Variants in CCDC63 observed in about 807,000 individuals in gnomAD.
CCDC63 encodes coiled-coil domain-containing protein 63.
A neutral mutation model predicts 63.6 loss-of-function variants in CCDC63; 54 were observed. That is an observed-to-expected ratio of 0.85 (90% CI 0.68 to 1.07). The LOEUF (loss-of-function observed/expected upper bound fraction) is 1.07, where lower values mean the gene tolerates loss of function less well. Ranked by LOEUF, CCDC63 falls within the 50% of genes least tolerant of loss-of-function variation. The probability of loss-of-function intolerance (pLI) is 0.00; values close to 1 mark genes in which losing one functional copy is unlikely to be tolerated. For missense variants in CCDC63, 637 were observed against 689.6 expected (o/e 0.92, Z 0.86); for synonymous variants, 253 against 266.1 (o/e 0.95, Z 0.48).
rs866122154 is a variant in CCDC63, at chr12:110,868,380, C to T, written c.370-5462C>T. Among the ~76,000 whole-genome samples the T allele has an allele frequency of 8.1e-3, 1,200 of 147,904 alleles. 23 individuals are homozygous for T. Among genetic ancestry groups the T allele is most frequent in the African/African-American group, 0.029 (1,129 of 38,942 alleles). On this transcript the variant is annotated intron_variant, in intron 4 of 11. Transcript: ENST00000308208. ...CGGCACTTTGGGAGGCCAAGGCAGG[C>T]GGCTGGGAGGTGTAGGTTGTAGCGA...
intron 4 of CCDC63, among the ~76,000 whole-genome samples, chr12:110,864,707 CA>C (rs112919673): frequency 4.6e-3 from 584 of 126,430 alleles, no homozygotes; most frequent in African/African-American, 0.01. Context: ...GACTCCATCT[CA>C]AAAAAAAAAA....
chr12:110,880,946 C>T lies in CCDC63; in HGVS notation c.672-169C>T, dbSNP rs563719085. The stretch of plus-strand genomic sequence containing the variant: ...ATTTCTGGGAGTGATCTAGAGCTTA[C>T]AGCTCCTGTTGTTCAGGTAAGGAGG... On this transcript the variant is annotated intron_variant, in intron 6 of 11. Coordinates refer to ENST00000308208, the MANE Select transcript of CCDC63 (RefSeq NM_152591.3). Among the ~76,000 whole-genome samples the T allele has an allele frequency of 1.8e-4, 27 of 149,520 alleles. No individual in the cohort carries two copies. The East Asian group carries it at 5.4e-3, about 30-fold the overall frequency.
chr12:110,897,154 C>G (rs1314156147), intron 9 of CCDC63, among the ~76,000 whole-genome samples: 1 of 151,924 alleles, frequency 6.6e-6, no homozygotes, highest in East Asian at 1.9e-4. Flanking sequence ...TGATTCGAGG[C>G]TGGGTGCAAT....
chr12:110,895,140 G>A (rs1278488238), intron 9 of CCDC63, among the ~76,000 whole-genome samples: 1 of 151,738 alleles, frequency 6.6e-6, no homozygotes, highest in African/African-American at 2.4e-5. Context: ...TTGAGACGGA[G>A]TCTCGCTCTG....
intron 9 of CCDC63, among the ~76,000 whole-genome samples, chr12:110,896,942 C>G (rs1378091128): frequency 6.6e-6 from 1 of 152,108 alleles, no homozygotes; most frequent in Non-Finnish European, 1.5e-5. Context: ...GAGGTGGGGG[C>G]CAAGAATATG....
chr12:110,890,778 T>TC (rs1158542074), intron 8 of CCDC63, among the ~76,000 whole-genome samples: 5 of 144,552 alleles, frequency 3.5e-5, no homozygotes, highest in African/African-American at 1.3e-4. Context: ...CTTTTCTTTT[T>TC]TTTTTTTTTT....
intron 8 of CCDC63, among the ~76,000 whole-genome samples, chr12:110,891,499 T>A (rs375530978): frequency 3.0e-4 from 46 of 150,930 alleles, no homozygotes; most frequent in Non-Finnish European, 5.5e-4. Flanking sequence ...GAAAAATTTT[T>A]AAAAAATTAG....
At chr12:110,876,102 T>A (rs1331873444) in intron 5 of CCDC63, among the ~76,000 whole-genome samples, 1 of 122,740 alleles carries the variant, frequency 8.1e-6, no homozygotes, top group African/African-American at 3.3e-5. Context: ...TGAGAACCTG[T>A]CTCAAAAAAA....
chr12:110,883,507 C>T (rs2071235992), intron 7 of CCDC63, among the ~76,000 whole-genome samples: 1 of 152,198 alleles, frequency 6.6e-6, no homozygotes, highest in Non-Finnish European at 1.5e-5. Context: ...ATAGTAAATG[C>T]TTCTTGAGAT....
intron 4 of CCDC63, among the ~76,000 whole-genome samples, chr12:110,873,079 C>CA (rs2071086507): frequency 1.3e-5 from 2 of 151,942 alleles, no homozygotes; most frequent in Non-Finnish European, 2.9e-5. Flanking sequence ...ACTAAAAATA[C>CA]AAAAAAATTA....
At chr12:110,878,176 GCA>G (rs140112603) in intron 5 of CCDC63, among the ~76,000 whole-genome samples, 380 of 151,804 alleles carry the variant, frequency 2.5e-3, no homozygotes, top group African/African-American at 8.8e-3. Flanking sequence ...GTATATATAT[GCA>G]CACACACACA....
chr12:110,901,383 CTATT>C (rs1271335744), intron 10 of CCDC63, among the ~76,000 whole-genome samples: 3 of 152,056 alleles, frequency 2.0e-5, no homozygotes, highest in East Asian at 1.9e-4. Context: ...ATTATTTTAT[CTATT>C]TATTTATTTT....
At position 110,889,548 on chromosome 12, in the gene CCDC63, C is replaced by T. The variant is rs756097086; in HGVS notation, c.1075-3528C>T. ...GCAACAGCACACGCAAAGGCCCTGA[C>T]GCAGCTTGCAAGCAGGCCAGGGTGT... On this transcript the variant is annotated intron_variant, in intron 8 of 11. Coordinates refer to ENST00000308208, the MANE Select transcript of CCDC63 (RefSeq NM_152591.3). This position sits in a 1 kb window ranked among gnomAD's most constrained non-coding sequence, Gnocchi z 4.1. 5.9e-5 allele frequency among the ~76,000 whole-genome samples: 9 copies of T among 152,042 alleles called. No homozygotes were observed. The highest frequency in any genetic ancestry group is 1.0e-4 in the Non-Finnish European group (7 of 68,030).
chr12:110,864,466 G>A lies in CCDC63; in HGVS notation c.369+5691G>A, dbSNP rs899149614. Among the ~76,000 whole-genome samples, 3 of 150,556 alleles carry A rather than the reference G, an allele frequency of 2.0e-5. No homozygotes were observed. In the South Asian group the frequency reaches 6.3e-4, roughly 32 times the overall value. ...AGACTGGGCGCCGTGACTCATGCCT[G>A]TAATCCCAGCACTTTGGGAGGCTGC... On this transcript the variant is annotated intron_variant, in intron 4 of 11. Coordinates refer to ENST00000308208, the MANE Select transcript of CCDC63 (RefSeq NM_152591.3).
chr12:110,858,847 T>G, intron 4 of CCDC63, 72 bp downstream of exon 4: 1 of 1,365,204 alleles, frequency 7.3e-7, no homozygotes, highest in Non-Finnish European at 1.0e-6. Context: ...ATATTCGTGA[T>G]GCCTTAGGCC....
rs141647892 is a variant in CCDC63, at chr12:110,891,439, A to G, written c.1075-1637A>G. On this transcript the variant is annotated intron_variant, in intron 8 of 11. Coordinates refer to ENST00000308208, the MANE Select transcript of CCDC63 (RefSeq NM_152591.3). ...GCTGAGGCAGGAAGATTACTTGAGC[A>G]CTGGAGTTCAAGACCAGCCTGGGCA... 1.5e-3 allele frequency among the ~76,000 whole-genome samples: 231 copies of G among 152,018 alleles called. 2 individuals carry two copies. Among genetic ancestry groups the G allele is most frequent in the African/African-American group, 5.4e-3 (223 of 41,464 alleles).
intron 11 of CCDC63, among the ~76,000 whole-genome samples, chr12:110,905,901 T>TATATATAATATTTTATAA (rs2071556962): frequency 8.0e-4 from 3 of 3,762 alleles, no homozygotes; most frequent in African/African-American, 2.2e-3. Context: ...ATATTATATA[T>TATATATAATATTTTATAA]AATATATATT....
chr12:110,876,762 G>A (rs2071135516), intron 5 of CCDC63, among the ~76,000 whole-genome samples: 1 of 151,794 alleles, frequency 6.6e-6, no homozygotes, highest in Non-Finnish European at 1.5e-5. Context: ...AACCAGATGT[G>A]GTGGCTCACA....
Position 110,907,437 on chromosome 12 carries a change from G to A in CCDC63, c.1653G>A (p.Lys551=). 6.2e-7 allele frequency: 1 copy of A among 1,614,192 alleles called. No homozygotes were observed. Among genetic ancestry groups the A allele is most frequent in the Admixed American group, 1.7e-5 (1 of 60,022 alleles). ...KEVRGDSLPE[K]VDDFRSRKKV... ...TGCGCGGAGACAGCCTGCCTGAGAA[G>A]GTGGATGACTTCAGATCCAGGAAGA... is the stretch of plus-strand genomic sequence containing the variant. The change falls in exon 12 of 12, where the codon AAG becomes AAA. Residue 551 remains lysine, a synonymous_variant. Transcript: ENST00000308208. This position sits in a 1 kb window ranked among gnomAD's most constrained non-coding sequence, Gnocchi z 4.4.
Sources: gnomAD v4.1 joint callset for allele counts (sites outside exome capture counted in the v4.1 genomes callset) on GRCh38, gnomAD v4.1.1 for gene constraint, Gnocchi (gnomAD v3.1) non-coding constraint, MANE v1.5 for transcripts, NCBI Gene and HGNC (gene_info 2026-07-23, HGNC 2026-07-21) for gene names.